The following RAB2A variants were observed in gnomAD, a reference collection of about 807,000 sequenced individuals.
The protein encoded by RAB2A is ras-related protein Rab-2A.
In RAB2A, 7 loss-of-function variants were observed where a neutral mutation model predicts 32.5. The ratio of observed to expected loss-of-function variants is 0.22; its 90% CI spans 0.12 to 0.40. The LOEUF is 0.40. Ranked by LOEUF, RAB2A falls within the 10% of genes least tolerant of loss-of-function variation. The pLI, the probability that RAB2A is intolerant of heterozygous loss-of-function variation, is 1.00. For synonymous variants in RAB2A, 79 were observed against 85.2 expected (o/e 0.93, Z 0.40); for missense variants, 108 against 260.7 (o/e 0.41, Z 4.03).
At chr8:60,606,861 G>C (rs187611231) in intron 6 of RAB2A, among the ~76,000 whole-genome samples, 1 of 152,220 alleles carries the variant, frequency 6.6e-6, no homozygotes, top group Non-Finnish European at 1.5e-5. Flanking sequence ...CTACAAAACT[G>C]TTCTTCCCTC....
At chr8:60,597,684 G>A (rs1804052687) in intron 6 of RAB2A, among the ~76,000 whole-genome samples, 2 of 152,068 alleles carry the variant, frequency 1.3e-5, no homozygotes. Context: ...AAAATAAATA[G>A]AAAGGAGGGA....
At chr8:60,590,703 G>A (rs963845835) in intron 5 of RAB2A, among the ~76,000 whole-genome samples, 2 of 150,962 alleles carry the variant, frequency 1.3e-5, no homozygotes, top group Non-Finnish European at 2.9e-5. Context: ...TCATTCAGTA[G>A]ACTGTAATTC....
chr8:60,602,677 A>G (rs1270776857), intron 6 of RAB2A, among the ~76,000 whole-genome samples: 1 of 152,218 alleles, frequency 6.6e-6, no homozygotes. Context: ...AGCAAGAATT[A>G]TCCTGCAGAA....
chr8:60,555,634 T>G (rs2130828633), intron 1 of RAB2A, among the ~76,000 whole-genome samples: 1 of 152,188 alleles, frequency 6.6e-6, no homozygotes, highest in South Asian at 2.1e-4. Flanking sequence ...ATCAGGGAAA[T>G]GCAAGCCAGT....
At chr8:60,560,144 C>T (rs940013802) in intron 2 of RAB2A, among the ~76,000 whole-genome samples, 1 of 152,084 alleles carries the variant, frequency 6.6e-6, no homozygotes, top group Admixed American at 6.5e-5. Flanking sequence ...GAGTGAGGTG[C>T]GGTGGTGCAA....
intron 1 of RAB2A, among the ~76,000 whole-genome samples, chr8:60,556,641 T>TAAAAAAAA (rs11393857): frequency 9.4e-6 from 1 of 106,592 alleles, no homozygotes; most frequent in Non-Finnish European, 2.0e-5. Flanking sequence ...CTCTTTTTAA[T>TAAAAAAAA]AAAAAAAAAA....
rs137939525 is a variant in RAB2A, at chr8:60,605,936, G to C, written c.475-12644G>C. On this transcript the variant is annotated intron_variant, in intron 6 of 7. Coordinates refer to ENST00000262646, the MANE Select transcript of RAB2A (RefSeq NM_002865.3). ...GGCCAAGACGGGCAGATCACCTGAG[G>C]TCAGGAGTTCGAGACCAGCTTGACC... Among the ~76,000 whole-genome samples, 611 of 151,428 alleles carry C rather than the reference G, an allele frequency of 4.0e-3. 3 individuals carry two copies. The highest frequency in any genetic ancestry group is 0.014 in the African/African-American group (571 of 40,966).
intron 7 of RAB2A, chr8:60,618,873 A>T (rs1054222411): frequency 6.2e-6 from 1 of 161,092 alleles, no homozygotes; most frequent in Non-Finnish European, 1.4e-5. Flanking sequence ...CACTTTGTCT[A>T]TGGAAATGGA....
At chr8:60,530,858 T>C (rs1807466866) in intron 1 of RAB2A, among the ~76,000 whole-genome samples, 1 of 150,818 alleles carries the variant, frequency 6.6e-6, no homozygotes, top group South Asian at 2.1e-4. Flanking sequence ...CAGGAAACAA[T>C]GTGGTAGATT....
chr8:60,585,717 A>T (rs1341853014), intron 5 of RAB2A, among the ~76,000 whole-genome samples: 2 of 152,220 alleles, frequency 1.3e-5, no homozygotes, highest in Non-Finnish European at 2.9e-5. Flanking sequence ...CAAAACTTTT[A>T]TCTCATTAAT....
At chr8:60,555,388 A>G (rs573112067) in intron 1 of RAB2A, among the ~76,000 whole-genome samples, 14 of 152,190 alleles carry the variant, frequency 9.2e-5, no homozygotes, top group African/African-American at 3.4e-4. Flanking sequence ...ATGGGATTAT[A>G]TCAAACTAAA....
At chr8:60,518,702 CGTGT>C (rs377546372) in intron 1 of RAB2A, among the ~76,000 whole-genome samples, 1 of 144,720 alleles carries the variant, frequency 6.9e-6, no homozygotes, top group African/African-American at 2.5e-5. Flanking sequence ...TGCGTGCGTG[CGTGT>C]GTGTGTGTGT....
chr8:60,579,368 C>G (rs1803696920), intron 3 of RAB2A, among the ~76,000 whole-genome samples: 1 of 152,044 alleles, frequency 6.6e-6, no homozygotes, highest in Non-Finnish European at 1.5e-5. Context: ...TAAATTAATC[C>G]AACAGTTATA....
chr8:60,588,392 A>C (rs1472569519), intron 5 of RAB2A, among the ~76,000 whole-genome samples: 1 of 152,252 alleles, frequency 6.6e-6, no homozygotes. Context: ...ACAAATATTC[A>C]TACCAGCTTT....
intron 3 of RAB2A, among the ~76,000 whole-genome samples, chr8:60,581,102 A>G (rs1398756915): frequency 6.6e-6 from 1 of 152,184 alleles, no homozygotes; most frequent in East Asian, 1.9e-4. Flanking sequence ...GCTGAACTCT[A>G]TATATACTAG....
chr8:60,618,975 A>G (rs1171656988), intron 7 of RAB2A: 1 of 152,518 alleles, frequency 6.6e-6, no homozygotes, highest in Non-Finnish European at 1.5e-5. Context: ...TATCCACATG[A>G]CCATATGGTG....
chr8:60,570,039 T>G (rs544428659), intron 2 of RAB2A: 112 of 456,192 alleles, frequency 2.5e-4, no homozygotes, highest in African/African-American at 2.1e-3. Flanking sequence ...TCTCATCTGC[T>G]CGGATGGAAT....
intron 6 of RAB2A, among the ~76,000 whole-genome samples, chr8:60,614,004 CT>C (rs1804405338): frequency 6.6e-6 from 1 of 152,130 alleles, no homozygotes; most frequent in South Asian, 2.1e-4. Flanking sequence ...AAATACTGGT[CT>C]TACCTAATTT....
At chr8:60,526,150 G>A (rs1418579740) in intron 1 of RAB2A, among the ~76,000 whole-genome samples, 1 of 151,202 alleles carries the variant, frequency 6.6e-6, no homozygotes, top group African/African-American at 2.4e-5. Flanking sequence ...GAAGTCTAAC[G>A]TGTCACTGGG....
Sources: allele counts gnomAD v4.1 joint callset (sites outside exome capture counted in the v4.1 genomes callset), GRCh38; gene constraint gnomAD v4.1.1; transcripts MANE v1.5; gene names NCBI Gene and HGNC (gene_info 2026-07-23, HGNC 2026-07-21).